SSX7: variants seen among roughly 807,000 people sequenced by gnomAD.
SSX7 encodes protein SSX7.
SSX7 carries 15 observed loss-of-function variants against 14.7 expected under a neutral mutation model. The ratio of observed to expected loss-of-function variants is 1.02; its 90% CI spans 0.68 to 1.58. The LOEUF (loss-of-function observed/expected upper bound fraction) is 1.58, where lower values mean the gene tolerates loss of function less well. SSX7 is among the 40% of genes most tolerant of loss of function. SSX7 has a pLI of 0.00. For missense variants in SSX7, 178 were observed against 146.8 expected, an observed-to-expected ratio of 1.21 and a Z score of -1.10; for synonymous variants, 46 against 50.6, an observed-to-expected ratio of 0.91 and a Z score of 0.38.
At position 52,653,038 on chromosome X, in the gene SSX7, C is replaced by T; in HGVS notation, c.70-54G>A. 3.4e-6 allele frequency: 4 copies of T among 1,186,531 alleles called. No individual in the cohort carries two copies. The East Asian group carries it at 9.2e-5, about 27-fold the overall frequency. On this transcript the variant is annotated intron_variant, in intron 2 of 7. Transcript: ENST00000298181. The stretch of plus-strand genomic sequence containing the variant: ...CAGTGACTCAGCTAGACATGTCTGC[C>T]ATTCAGCTGGAGCCCCTTCCTGTGT...
At chrX:52,652,776 G>A in intron 3 of SSX7, 94 bp downstream of exon 3, 1 of 851,373 alleles carries the variant, frequency 1.2e-6, no homozygotes, top group Non-Finnish European at 1.7e-6. Flanking sequence ...AAAGGAAAAT[G>A]TGGGGTACTT....
chrX:52,645,260 G>T (rs782210473), intron 7 of SSX7, among the ~76,000 whole-genome samples, 179 bp downstream of exon 7: 1 of 99,799 alleles, frequency 1.0e-5, no homozygotes, highest in East Asian at 3.1e-4. Flanking sequence ...CACAAAGGGC[G>T]AATCCGTCAA....
Position 52,652,892 on chromosome X carries a change from C to G in SSX7, c.162G>C (p.Lys54Asn), listed in dbSNP as rs1556767205. The G allele has an allele frequency of 5.0e-6, 6 of 1,200,348 alleles. No homozygotes were observed. The South Asian group carries it at 5.3e-5, about 11-fold the overall frequency. The change falls in exon 3 of 8, where the codon AAG becomes AAC. Residue 54 changes from lysine to asparagine, a missense_variant. Coordinates refer to ENST00000298181, the MANE Select transcript of SSX7 (RefSeq NM_173358.2). The part of the protein sequence containing the change: ...EKISYVYMKR[K>N]YEAMTKLGFK... The stretch of plus-strand genomic sequence containing the variant: ...TACCTAGTTTAGTCATGGCCTCATA[C>G]TTTCTCTTCATATACACATAGCTGA...
At position 52,653,531 on chromosome X, in the gene SSX7, G is replaced by A. The variant is rs1925509987; in HGVS notation, c.-20-39C>T. On this transcript the variant is annotated intron_variant, in intron 1 of 7. Transcript: ENST00000298181. ...AGCCTGAGTCTTTCCAGCCACAGCA[G>A]CTTTGGTCTTGTGGAGGGAGAAATC... 8 of 1,205,444 alleles carry A rather than the reference G, an allele frequency of 6.6e-6. No homozygotes were observed. The East Asian group carries it at 2.4e-4, about 36-fold the overall frequency.
At position 52,652,928 on chromosome X, in the gene SSX7, G is replaced by T. The variant is rs375280413; in HGVS notation, c.126C>A (p.Ser42=). The T allele has an allele frequency of 4.2e-6, 5 of 1,203,874 alleles. No homozygotes were observed. The South Asian group carries it at 8.8e-5, about 21-fold the overall frequency. The change falls in exon 3 of 8, where the codon TCC becomes TCA. Residue 42 remains serine, a synonymous_variant. Transcript: ENST00000298181. ...FSKKEWEKMK[S]LEKISYVYMK... is the part of the protein sequence containing the mutation. Reference sequence around the variant, plus strand: ...TATACACATAGCTGATTTTCTCCAAGGATTTCATCTTTTCCCACTCTTTCT... The same window carrying T: ...TATACACATAGCTGATTTTCTCCAATGATTTCATCTTTTCCCACTCTTTCT...
intron 1 of SSX7, among the ~76,000 whole-genome samples, chrX:52,654,548 A>G (rs1244331400): frequency 2.8e-5 from 3 of 107,756 alleles, no homozygotes; most frequent in Non-Finnish European, 3.8e-5. Flanking sequence ...TTGTTAAGTT[A>G]CTAGAGTTCC....
At chrX:52,648,675 C>T (rs1324199150) in intron 5 of SSX7, among the ~76,000 whole-genome samples, 1 of 111,466 alleles carries the variant, frequency 9.0e-6, no homozygotes, top group Non-Finnish European at 1.9e-5. Context: ...GTTTGGTATA[C>T]AAAAGATTGG....
Position 52,648,157 on chromosome X carries a change from G to T in SSX7, c.466+104C>A, listed in dbSNP as rs782382188. 6.2e-5 allele frequency: 68 copies of T among 1,099,445 alleles called. No individual in the cohort carries two copies. In the African/African-American group the frequency reaches 1.1e-3, roughly 19 times the overall value. 90.6% of individuals were successfully genotyped at this position (1,099,445 alleles called of 1,213,427 possible). ...GGAGCTGGGCGAGCTCCTCAGCCCAGCCTGGACCCAGGCTTGTCTGGGGTC... is the reference window on the plus strand; with the variant it reads ...GGAGCTGGGCGAGCTCCTCAGCCCATCCTGGACCCAGGCTTGTCTGGGGTC... On this transcript the variant is annotated intron_variant, in intron 6 of 7. Coordinates refer to ENST00000298181, the MANE Select transcript of SSX7 (RefSeq NM_173358.2).
chrX:52,646,117 G>A (rs1925237719), intron 6 of SSX7, among the ~76,000 whole-genome samples: 1 of 111,531 alleles, frequency 9.0e-6, no homozygotes, highest in Non-Finnish European at 1.9e-5. Context: ...AGACTGGAGT[G>A]CAGTGGAGCA....
intron 6 of SSX7, among the ~76,000 whole-genome samples, chrX:52,646,095 G>A (rs1337832891): frequency 1.8e-5 from 2 of 109,804 alleles, no homozygotes; most frequent in South Asian, 3.9e-4. Context: ...ATGAAGTCTC[G>A]CTCTGTCGCC....
At chrX:52,648,731 A>C (rs1925331190) in intron 5 of SSX7, among the ~76,000 whole-genome samples, 1 of 112,046 alleles carries the variant, frequency 8.9e-6, no homozygotes, top group Non-Finnish European at 1.9e-5. Flanking sequence ...CAAAAGGAAG[A>C]GCTTCTATGA....
chrX:52,644,588 C>T lies in SSX7; in HGVS notation c.*87G>A, dbSNP rs782325168. On this transcript the variant is annotated 3_prime_UTR_variant, in exon 8 of 8. Coordinates refer to ENST00000298181, the MANE Select transcript of SSX7 (RefSeq NM_173358.2). ...CTTTCACTTGCTATGCACCTGATGA[C>T]GAGGGGTCCGCAGCCATGCCCATGT... The T allele has an allele frequency of 1.7e-5, 20 of 1,171,248 alleles. No individual in the cohort carries two copies. The African/African-American group carries it at 1.8e-4, about 10-fold the overall frequency.
intron 3 of SSX7, 44 bp from the exon 4 acceptor site, chrX:52,652,391 A>T (rs1221615120): frequency 1.0e-6 from 1 of 1,003,087 alleles, no homozygotes; most frequent in African/African-American, 1.9e-5. Context: ...ACAAGCTTTG[A>T]CCTGTCACGG....
chrX:52,649,733 G>T (rs1925369053), intron 5 of SSX7, among the ~76,000 whole-genome samples: 1 of 112,120 alleles, frequency 8.9e-6, no homozygotes, highest in African/African-American at 3.2e-5. Flanking sequence ...CTTTCCTATT[G>T]CGAGAATGGG....
intron 6 of SSX7, among the ~76,000 whole-genome samples, chrX:52,645,752 C>G (rs2999122): frequency 1.3e-4 from 14 of 111,653 alleles, no homozygotes; most frequent in African/African-American, 2.9e-4. Flanking sequence ...GCTTCTGGCT[C>G]CTTCTGTTGT....
At chrX:52,653,337 C>T (rs1925501790) in intron 2 of SSX7, 67 bp downstream of exon 2, 5 of 1,210,253 alleles carry the variant, frequency 4.1e-6, no homozygotes, top group Non-Finnish European at 5.6e-6. Flanking sequence ...GTCCTCCCCT[C>T]CTCAGAAACT....
chrX:52,646,566 T>A (rs1248074010), intron 6 of SSX7, among the ~76,000 whole-genome samples: 2 of 112,043 alleles, frequency 1.8e-5, no homozygotes, highest in East Asian at 5.6e-4. Context: ...TTATTGACAA[T>A]AATCACCCTG....
chrX:52,651,986 C>T lies in SSX7; in HGVS notation c.280+266G>A, dbSNP rs1445613765. Among the ~76,000 whole-genome samples the T allele has an allele frequency of 1.4e-4, 16 of 110,836 alleles. No individual in the cohort carries two copies. The South Asian group carries it at 2.4e-3, about 16-fold the overall frequency. On this transcript the variant is annotated intron_variant, in intron 4 of 7. Coordinates refer to ENST00000298181, the MANE Select transcript of SSX7 (RefSeq NM_173358.2). The stretch of plus-strand genomic sequence containing the variant: ...CTCCTCCACTTACAGCCAGTCACCT[C>T]AATTTGATGGCTTTTTATTCACATT...
At chrX:52,646,558 A>G (rs1226716437) in intron 6 of SSX7, among the ~76,000 whole-genome samples, 2 of 112,041 alleles carry the variant, frequency 1.8e-5, no homozygotes, top group Non-Finnish European at 3.8e-5. Flanking sequence ...TTAAGTTATT[A>G]TTGACAATAA....
Sources: gnomAD v4.1 joint callset for allele counts (sites outside exome capture counted in the v4.1 genomes callset) on GRCh38, gnomAD v4.1.1 for gene constraint, MANE v1.5 for transcripts, NCBI Gene and HGNC (gene_info 2026-07-23, HGNC 2026-07-21) for gene names.